The following DRC11 variants were observed in gnomAD, a reference collection of about 807,000 sequenced individuals.
DRC11 encodes dynein regulatory complex subunit 11.
chr2:236,423,885 G>C, the DRC11 span, among the ~76,000 whole-genome samples: 1 of 152,176 alleles, frequency 6.6e-6, no homozygotes, highest in East Asian at 1.9e-4. Context: ...AAAACGATGA[G>C]TTCATGTCCT....
chr2:236,401,098 G>A, the DRC11 span, among the ~76,000 whole-genome samples: 3 of 152,126 alleles, frequency 2.0e-5, no homozygotes, highest in Admixed American at 6.5e-5. The surrounding 1 kb of genome is among the most constrained non-coding windows in gnomAD (Gnocchi z 4.6). Context: ...TTCCCCACAG[G>A]ACACAGTCCA....
chr2:236,322,091 C>A, the DRC11 span, among the ~76,000 whole-genome samples: 1 of 152,092 alleles, frequency 6.6e-6, no homozygotes, highest in Non-Finnish European at 1.5e-5. Context: ...GATAAGCTCT[C>A]CTGCCCTAAA....
At chr2:236,455,445 G>A in the DRC11 span, among the ~76,000 whole-genome samples, 5 of 152,232 alleles carry the variant, frequency 3.3e-5, no homozygotes, top group Admixed American at 2.0e-4. The surrounding 1 kb of genome is among the most constrained non-coding windows in gnomAD (Gnocchi z 5.7). Context: ...TTTTAAAGTC[G>A]TGACTAGTGA....
At chr2:236,322,203 T>C in the DRC11 span, among the ~76,000 whole-genome samples, 1 of 151,728 alleles carries the variant, frequency 6.6e-6, no homozygotes. Context: ...CTTTGACTCT[T>C]GAGCTGCTTT....
chr2:236,349,400 T>C, the DRC11 span, among the ~76,000 whole-genome samples: 15 of 152,254 alleles, frequency 9.9e-5, no homozygotes, highest in Non-Finnish European at 1.9e-4. This position sits in a 1 kb window ranked among gnomAD's most constrained non-coding sequence, Gnocchi z 5.5. Flanking sequence ...GGCAAGATCT[T>C]ATTTTTTTTC....
chr2:236,491,161 A>ATATATATATATATATATACACACACAG, the DRC11 span, among the ~76,000 whole-genome samples: 2 of 51,526 alleles, frequency 3.9e-5, no homozygotes, highest in Admixed American at 3.7e-4. Flanking sequence ...TACACACAGT[A>ATATATATATATATATATACACACACAG]TATATATATA....
the DRC11 span, among the ~76,000 whole-genome samples, chr2:236,452,624 A>G: frequency 6.6e-6 from 1 of 152,236 alleles, no homozygotes; most frequent in African/African-American, 2.4e-5. This position sits in a 1 kb window ranked among gnomAD's most constrained non-coding sequence, Gnocchi z 4.7. Flanking sequence ...TGAGGGGCTC[A>G]CTATTTCTCA....
the DRC11 span, chr2:236,392,432 G>A: frequency 1.4e-6 from 1 of 705,028 alleles, no homozygotes. This position sits in a 1 kb window ranked among gnomAD's most constrained non-coding sequence, Gnocchi z 5.1. Context: ...AAAGACGTAG[G>A]TTAATTGTAA....
the DRC11 span, among the ~76,000 whole-genome samples, chr2:236,398,069 C>A: frequency 6.6e-6 from 1 of 152,138 alleles, no homozygotes; most frequent in Admixed American, 6.5e-5. This position sits in a 1 kb window ranked among gnomAD's most constrained non-coding sequence, Gnocchi z 6.2. Flanking sequence ...CCTGCCCATA[C>A]GAGGAGAGCA....
chr2:236,491,188 GTATATATA>G, the DRC11 span, among the ~76,000 whole-genome samples: 158 of 24,752 alleles, frequency 6.4e-3, 12 homozygotes, highest in African/African-American at 0.023. Context: ...TATACACACA[GTATATATA>G]TATATATATA....
the DRC11 span, among the ~76,000 whole-genome samples, chr2:236,464,064 G>A: frequency 6.6e-6 from 1 of 152,188 alleles, no homozygotes; most frequent in Non-Finnish European, 1.5e-5. Flanking sequence ...CGCTGACTCT[G>A]AGCCAGCAAG....
chr2:236,459,506 CGTATACGTATACATGTATACAT>C, the DRC11 span, among the ~76,000 whole-genome samples: 8 of 101,266 alleles, frequency 7.9e-5, no homozygotes, highest in African/African-American at 2.2e-4. Context: ...TATATGTATA[CGTATACGTATACATGTATACAT>C]GTATACGTAT....
chr2:236,478,626 T>C, the DRC11 span, among the ~76,000 whole-genome samples: 346 of 152,312 alleles, frequency 2.3e-3, 2 homozygotes, highest in Non-Finnish European at 3.9e-3. This position sits in a 1 kb window ranked among gnomAD's most constrained non-coding sequence, Gnocchi z 5.9. Context: ...CTACTGAGAA[T>C]GGGGTGTTGA....
At chr2:236,339,032 C>T in the DRC11 span, among the ~76,000 whole-genome samples, 227 of 152,272 alleles carry the variant, frequency 1.5e-3, 1 homozygote, top group African/African-American at 5.1e-3. Flanking sequence ...AAACGAACCT[C>T]GCCCCCAGTG....
chr2:236,405,027 G>T, the DRC11 span, among the ~76,000 whole-genome samples: 1 of 152,124 alleles, frequency 6.6e-6, no homozygotes, highest in Non-Finnish European at 1.5e-5. This position sits in a 1 kb window ranked among gnomAD's most constrained non-coding sequence, Gnocchi z 4.6. Flanking sequence ...CTGCCCTCAG[G>T]ACCTAATCAC....
At chr2:236,405,686 G>A in the DRC11 span, among the ~76,000 whole-genome samples, 1 of 152,174 alleles carries the variant, frequency 6.6e-6, no homozygotes, top group South Asian at 2.1e-4. This position sits in a 1 kb window ranked among gnomAD's most constrained non-coding sequence, Gnocchi z 4.6. Context: ...TTAGACGATA[G>A]TAGTCCTCCT....
chr2:236,321,439 G>C, the DRC11 span, among the ~76,000 whole-genome samples: 1 of 152,218 alleles, frequency 6.6e-6, no homozygotes, highest in Non-Finnish European at 1.5e-5. Context: ...CCATTTGTGT[G>C]AAACACGCAG....
the DRC11 span, among the ~76,000 whole-genome samples, chr2:236,416,605 AGT>A: frequency 6.6e-6 from 1 of 151,158 alleles, no homozygotes; most frequent in Non-Finnish European, 1.5e-5. Context: ...TGCGGGTCAC[AGT>A]GCAGGAGCCG....
chr2:236,421,067 C>T, the DRC11 span, among the ~76,000 whole-genome samples: 2 of 152,098 alleles, frequency 1.3e-5, no homozygotes, highest in African/African-American at 4.8e-5. Flanking sequence ...TTATTTCTGC[C>T]TTCATTTTGT....
Sources: gnomAD v4.1 joint callset for allele counts (sites outside exome capture counted in the v4.1 genomes callset) on GRCh38, gnomAD v4.1.1 for gene constraint, Gnocchi (gnomAD v3.1) non-coding constraint, MANE v1.5 for transcripts, NCBI Gene and HGNC (gene_info 2026-07-23, HGNC 2026-07-21) for gene names.